ANKRD30B: variants seen among roughly 807,000 people sequenced by gnomAD.
ANKRD30B encodes the protein ankyrin repeat domain 30B, also known as ankyrin repeat domain-containing protein 30B.
Under a neutral mutation model 202.2 loss-of-function variants are expected in ANKRD30B, and 144 were observed. The observed-to-expected ratio is 0.71, with a 90% CI of 0.62 to 0.82. The LOEUF (loss-of-function observed/expected upper bound fraction) is 0.82. Among genes scored for constraint, ANKRD30B ranks in the 40% least tolerant of loss-of-function variants. The pLI is 0.00. For synonymous variants in ANKRD30B, 508 were observed against 561.3 expected (o/e 0.91, Z 1.34); for missense variants, 1,487 against 1,669.1 (o/e 0.89, Z 1.90).
chr18:14,791,346 T>C (rs1968491704), intron 15 of ANKRD30B, 55 bp from the exon 16 acceptor site: 2 of 1,441,668 alleles, frequency 1.4e-6, no homozygotes, highest in Admixed American at 4.3e-5. Flanking sequence ...ATTTTGATAC[T>C]CTTCATTACT....
intron 32 of ANKRD30B, among the ~76,000 whole-genome samples, chr18:14,824,737 G>C (rs1196006662): frequency 2.0e-5 from 3 of 152,134 alleles, no homozygotes; most frequent in Non-Finnish European, 4.4e-5. Flanking sequence ...AGAGCATTCT[G>C]GTCATGGTAT....
intron 5 of ANKRD30B, among the ~76,000 whole-genome samples, chr18:14,759,754 A>C (rs1201483121): frequency 6.6e-6 from 1 of 152,254 alleles, no homozygotes; most frequent in Non-Finnish European, 1.5e-5. Context: ...TATATTTACA[A>C]ATAAATTTCA....
intron 8 of ANKRD30B, among the ~76,000 whole-genome samples, 194 bp from the exon 9 acceptor site, chr18:14,771,961 TA>T (rs1313025458): frequency 6.6e-6 from 1 of 152,150 alleles, no homozygotes; most frequent in East Asian, 1.9e-4. Flanking sequence ...AATAGGTAAC[TA>T]AAATCATTTT....
At chr18:14,806,181 C>G (rs893950731) in intron 24 of ANKRD30B, among the ~76,000 whole-genome samples, 2 of 148,874 alleles carry the variant, frequency 1.3e-5, no homozygotes, top group Non-Finnish European at 3.0e-5. Flanking sequence ...GATCTCAACA[C>G]TGCCCTCCAG....
rs956130500 is a variant in ANKRD30B, at chr18:14,851,938, G to A, written c.3994G>A (p.Gly1332Arg). ...CAGTGCAGGAGATGCTCCTTTGCAA[G>A]GAATAATGAATGTTGATGTGAGTAA... ...FHSAGDAPLQ[G>R]IMNVDVSNTI... The change falls in exon 42 of 44, where the codon GGA (glycine) becomes AGA (arginine). Residue 1332 changes from glycine (G) to arginine (R), a missense_variant. Gly to Arg is a moderately radical substitution (Grantham distance 125). This residue lies in a region of ANKRD30B where 182 missense variants were observed against 216.0 expected (regional missense o/e 0.84). Coordinates refer to ENST00000690538, the MANE Select transcript of ANKRD30B (RefSeq NM_001367607.2). The A allele has an allele frequency of 1.2e-6, 2 of 1,604,588 alleles. No homozygotes were observed. The highest frequency in any genetic ancestry group is 1.7e-6 in the Non-Finnish European group (2 of 1,174,598).
chr18:14,758,381 G>C (rs1320479607), intron 5 of ANKRD30B, among the ~76,000 whole-genome samples: 1 of 152,106 alleles, frequency 6.6e-6, no homozygotes, highest in Non-Finnish European at 1.5e-5. Flanking sequence ...GGGGGACACG[G>C]CCATTCTCTT....
At chr18:14,784,768 C>T (rs188292117) in intron 14 of ANKRD30B, among the ~76,000 whole-genome samples, 8 of 151,968 alleles carry the variant, frequency 5.3e-5, no homozygotes, top group Admixed American at 4.6e-4. Context: ...TTTTGTATCC[C>T]GAAACTGTAA....
chr18:14,750,001 A>G (rs185160476), intron 1 of ANKRD30B, among the ~76,000 whole-genome samples: 1 of 152,230 alleles, frequency 6.6e-6, no homozygotes, highest in East Asian at 1.9e-4. Context: ...TAAAAATACC[A>G]GAAAAAACAT....
At chr18:14,884,480 A>G in the ANKRD30B span, among the ~76,000 whole-genome samples, 2,568 of 152,036 alleles carry the variant, frequency 0.017, 78 homozygotes, top group African/African-American at 0.059. Flanking sequence ...TTTGTTACAC[A>G]GCAATAGATA....
At chr18:14,830,393 T>A (rs1420236400) in intron 33 of ANKRD30B, among the ~76,000 whole-genome samples, 2 of 152,074 alleles carry the variant, frequency 1.3e-5, no homozygotes, top group Non-Finnish European at 2.9e-5. Context: ...GTAGTTAGAC[T>A]TTCTTACTTT....
intron 9 of ANKRD30B, among the ~76,000 whole-genome samples, 158 bp downstream of exon 9, chr18:14,772,386 T>G (rs1226003800): frequency 4.0e-5 from 1 of 25,310 alleles, no homozygotes; most frequent in Admixed American, 2.8e-4. Flanking sequence ...TTTAAACAGT[T>G]TTTTTTTTTT....
chr18:14,752,262 T>G (rs1202028474), intron 1 of ANKRD30B, among the ~76,000 whole-genome samples: 2 of 152,142 alleles, frequency 1.3e-5, no homozygotes, highest in African/African-American at 2.4e-5. Context: ...TCCATTTTAT[T>G]GATGAGAAAA....
At chr18:14,861,546 G>C in the ANKRD30B span, among the ~76,000 whole-genome samples, 2 of 150,502 alleles carry the variant, frequency 1.3e-5, no homozygotes, top group Non-Finnish European at 3.0e-5. Flanking sequence ...ATATAATGAT[G>C]GAGTGTTCAA....
chr18:14,762,322 T>C (rs1258413843), intron 6 of ANKRD30B, among the ~76,000 whole-genome samples: 1 of 152,222 alleles, frequency 6.6e-6, no homozygotes, highest in African/African-American at 2.4e-5. Context: ...TCTTTAGAAT[T>C]TGGAATTTAA....
chr18:14,789,512 T>C (rs1968321075), intron 15 of ANKRD30B, among the ~76,000 whole-genome samples: 1 of 152,232 alleles, frequency 6.6e-6, no homozygotes. Context: ...TCTAGGGTTT[T>C]TATGGTTTTA....
chr18:14,877,008 T>C, the ANKRD30B span, among the ~76,000 whole-genome samples: 5 of 152,340 alleles, frequency 3.3e-5, no homozygotes, highest in East Asian at 1.9e-4. Context: ...AGGATGTTTA[T>C]GATGTTTCTG....
chr18:14,889,995 T>C, the ANKRD30B span: 3 of 1,021,086 alleles, frequency 2.9e-6, no homozygotes, highest in East Asian at 2.4e-5. Context: ...TACCTTTGCG[T>C]AGAGTTTTCC....
In ANKRD30B at chr18:14,752,956, T is replaced by G. The variant is rs781163240; in HGVS notation, c.454T>G (p.Leu152Val). 4 of 1,604,310 alleles carry G rather than the reference T, an allele frequency of 2.5e-6. No individual in the cohort carries two copies. Among genetic ancestry groups the G allele is most frequent in the African/African-American group, 1.3e-5 (1 of 74,456 alleles). Residue 152 changes from leucine (L) to valine (V), a missense_variant, in exon 3 of 44, where the codon TTG (leucine) becomes GTG (valine). Physicochemically the swap from Leu to Val is conservative, Grantham distance 32 (BLOSUM62 1). This residue lies in a region of ANKRD30B where 889 missense variants were observed against 841.4 expected (regional missense o/e 1.06). Coordinates refer to ENST00000690538, the MANE Select transcript of ANKRD30B (RefSeq NM_001367607.2). ...ALHYAVYSEN[L>V]LMVATLLSYG... ...CCATTATGCCGTTTATAGTGAGAAT[T>G]TGTTAATGGTGGCAACACTGCTGTC...
At chr18:14,896,977 A>C in the ANKRD30B span, among the ~76,000 whole-genome samples, 9 of 151,860 alleles carry the variant, frequency 5.9e-5, no homozygotes, top group Admixed American at 2.6e-4. Context: ...AAAAAAAAAA[A>C]AAAACAGGAA....
Sources: allele counts gnomAD v4.1 joint callset (sites outside exome capture counted in the v4.1 genomes callset), GRCh38; gene constraint gnomAD v4.1.1; regional missense constraint gnomAD v4.1.1; transcripts MANE v1.5; gene names NCBI Gene and HGNC (gene_info 2026-07-23, HGNC 2026-07-21).